The following SLC35F3 variants were observed in gnomAD, a reference collection of about 807,000 sequenced individuals.
SLC35F3 encodes the protein putative thiamine transporter SLC35F3.
Under a neutral mutation model 49.9 loss-of-function variants are expected in SLC35F3, and 25 were observed. The observed-to-expected ratio is 0.50, with a 90% CI of 0.37 to 0.70. The LOEUF is 0.70. Among genes scored for constraint, SLC35F3 ranks in the 30% least tolerant of loss-of-function variants. The probability of loss-of-function intolerance (pLI) is 0.00; values close to 1 mark genes in which losing one functional copy is unlikely to be tolerated. For missense variants in SLC35F3, 525 were observed against 639.8 expected, an observed-to-expected ratio of 0.82 and a Z score of 1.94; for synonymous variants, 275 against 265.4, an observed-to-expected ratio of 1.04 and a Z score of -0.35.
chr1:234,099,266 G>A (rs75748539), intron 2 of SLC35F3, among the ~76,000 whole-genome samples: 8,751 of 152,050 alleles, frequency 0.058, 367 homozygotes, highest in Non-Finnish European at 0.089. Context: ...GAATAATATT[G>A]GGAATGATAA....
intron 2 of SLC35F3, among the ~76,000 whole-genome samples, chr1:234,211,229 G>A (rs1667042323): frequency 6.6e-6 from 1 of 152,258 alleles, no homozygotes; most frequent in South Asian, 2.1e-4. Flanking sequence ...TGCTGCAGGG[G>A]TGGCACCCTC....
At chr1:234,244,313 C>T (rs556550732) in intron 3 of SLC35F3, among the ~76,000 whole-genome samples, 14 of 152,302 alleles carry the variant, frequency 9.2e-5, no homozygotes, top group African/African-American at 3.1e-4. Context: ...TCATGTCCGT[C>T]TTGCTCACCT....
intron 2 of SLC35F3, among the ~76,000 whole-genome samples, chr1:234,078,892 C>T (rs1016759969): frequency 2.6e-5 from 4 of 152,150 alleles, no homozygotes; most frequent in Admixed American, 2.6e-4. Context: ...TTCTTTCACC[C>T]TCACCACACT....
chr1:233,956,985 G>A (rs1336354695), intron 2 of SLC35F3, among the ~76,000 whole-genome samples: 1 of 152,236 alleles, frequency 6.6e-6, no homozygotes, highest in East Asian at 1.9e-4. Context: ...GTTAGCACAT[G>A]GAGGGCATCG....
At chr1:234,260,335 A>G (rs959680425) in intron 3 of SLC35F3, among the ~76,000 whole-genome samples, 1 of 152,176 alleles carries the variant, frequency 6.6e-6, no homozygotes, top group African/African-American at 2.4e-5. Context: ...CTTCTACTTC[A>G]TTATGTTCTC....
At chr1:234,270,895 C>T (rs60663860) in intron 3 of SLC35F3, among the ~76,000 whole-genome samples, 15,303 of 152,202 alleles carry the variant, frequency 0.1, 954 homozygotes, top group African/African-American at 0.16. Context: ...AGAAGTTGTC[C>T]TCATCATGCT....
At chr1:234,132,230 T>C (rs1479996144) in intron 2 of SLC35F3, among the ~76,000 whole-genome samples, 1 of 152,186 alleles carries the variant, frequency 6.6e-6, no homozygotes, top group Non-Finnish European at 1.5e-5. Flanking sequence ...CATTTCCTCA[T>C]ATTATATAAC....
chr1:234,095,444 A>G (rs1385310469), intron 2 of SLC35F3, among the ~76,000 whole-genome samples: 1 of 151,768 alleles, frequency 6.6e-6, no homozygotes, highest in Non-Finnish European at 1.5e-5. Context: ...GGGAACCAGC[A>G]CATGCAAAGG....
At chr1:234,208,046 T>C (rs1421611033) in intron 2 of SLC35F3, among the ~76,000 whole-genome samples, 1 of 152,134 alleles carries the variant, frequency 6.6e-6, no homozygotes, top group Non-Finnish European at 1.5e-5. Context: ...AATATACAGC[T>C]GGAAAACTGC....
At chr1:234,121,159 C>T (rs1334609299) in intron 2 of SLC35F3, among the ~76,000 whole-genome samples, 3 of 111,400 alleles carry the variant, frequency 2.7e-5, no homozygotes, top group South Asian at 3.0e-4. Flanking sequence ...TTTTTTGAGA[C>T]GGAGTCTTGC....
At chr1:234,311,607 T>C (rs780923813) in intron 4 of SLC35F3, among the ~76,000 whole-genome samples, 1 of 152,230 alleles carries the variant, frequency 6.6e-6, no homozygotes, top group Non-Finnish European at 1.5e-5. Flanking sequence ...GTCGAAGTCA[T>C]GTGCGCAGAT....
intron 2 of SLC35F3, among the ~76,000 whole-genome samples, chr1:234,162,083 C>T (rs773360632): frequency 3.9e-5 from 6 of 152,118 alleles, no homozygotes; most frequent in Admixed American, 6.5e-5. Context: ...TACCCTGCAG[C>T]AGGGCTCGCC....
chr1:234,276,262 C>T (rs1202823236), intron 3 of SLC35F3, among the ~76,000 whole-genome samples: 2 of 152,074 alleles, frequency 1.3e-5, no homozygotes, highest in Non-Finnish European at 2.9e-5. Flanking sequence ...AGTATATTTC[C>T]GGTCCTCCAA....
intron 2 of SLC35F3, among the ~76,000 whole-genome samples, chr1:234,015,002 A>G (rs977410911): frequency 1.3e-5 from 2 of 152,208 alleles, no homozygotes; most frequent in African/African-American, 4.8e-5. Context: ...AATCACAAAA[A>G]ATCCTGGAAG....
intron 2 of SLC35F3, among the ~76,000 whole-genome samples, chr1:234,208,273 A>G (rs554178693): frequency 7.2e-4 from 110 of 152,322 alleles, no homozygotes; most frequent in African/African-American, 2.5e-3. Flanking sequence ...TGGAATCGTA[A>G]AGTGGGACTA....
intron 2 of SLC35F3, among the ~76,000 whole-genome samples, chr1:233,942,142 T>G (rs1662437114): frequency 6.6e-6 from 1 of 151,874 alleles, no homozygotes; most frequent in Non-Finnish European, 1.5e-5. Context: ...TTGTATTTTT[T>G]AGCAGAGACG....
chr1:234,294,789 A>G (rs1324002594), intron 3 of SLC35F3, among the ~76,000 whole-genome samples: 4 of 152,196 alleles, frequency 2.6e-5, no homozygotes, highest in Non-Finnish European at 5.9e-5. Context: ...TTCTTCCAGG[A>G]AGAGATCGTG....
At chr1:233,943,839 G>A (rs898786195) in intron 2 of SLC35F3, among the ~76,000 whole-genome samples, 1 of 152,164 alleles carries the variant, frequency 6.6e-6, no homozygotes, top group Non-Finnish European at 1.5e-5. Flanking sequence ...CAAATATTGA[G>A]GTTTAAGGAA....
intron 1 of SLC35F3, 67 bp from the exon 2 acceptor site, chr1:233,905,462 C>G (rs1558173651): frequency 8.2e-6 from 10 of 1,218,884 alleles, no homozygotes; most frequent in Non-Finnish European, 1.2e-6. Context: ...CTGCTCCTCA[C>G]GAATCCCCTC....
Sources: allele counts gnomAD v4.1 joint callset (sites outside exome capture counted in the v4.1 genomes callset), GRCh38; gene constraint gnomAD v4.1.1; transcripts MANE v1.5; gene names NCBI Gene and HGNC (gene_info 2026-07-23, HGNC 2026-07-21).